LPAR1: variants seen among roughly 807,000 people sequenced by gnomAD.
The protein encoded by LPAR1 is lysophosphatidic acid receptor 1.
LPAR1 carries 5 observed loss-of-function variants against 23.8 expected under a neutral mutation model. That is an observed-to-expected ratio of 0.21 (90% CI 0.11 to 0.44). LPAR1 has a LOEUF of 0.44. Among genes scored for constraint, LPAR1 ranks in the 20% least tolerant of loss-of-function variants. LPAR1 has a pLI of 0.99. For missense variants in LPAR1, 311 were observed against 482.8 expected, an observed-to-expected ratio of 0.64 and a Z score of 3.33; for synonymous variants, 160 against 164.7, an observed-to-expected ratio of 0.97 and a Z score of 0.22.
chr9:111,028,041 A>G, intron 2 of LPAR1, among the ~76,000 whole-genome samples: 1 of 152,186 alleles, frequency 6.6e-6, no homozygotes, highest in South Asian at 2.1e-4. Context: ...GCCTGTGTAC[A>G]TACTTATGAT....
At chr9:110,981,995 G>C (rs531393827) in intron 2 of LPAR1, among the ~76,000 whole-genome samples, 2 of 152,242 alleles carry the variant, frequency 1.3e-5, no homozygotes, top group South Asian at 2.1e-4. Flanking sequence ...AGAGGATGTG[G>C]GGAAAATAGG....
Position 110,941,713 on chromosome 9 carries a change from G to A in LPAR1, c.501C>T (p.Val167=). ...TRMSNRRVVV[V]IVVIWTMAIV... ...TGGCCATAGTCCAGATGACCACAAT[G>A]ACCACCACTACCCGCCGGTTGCTCA... The change falls in exon 5 of 6, where the codon GTC becomes GTT. Residue 167 remains valine, a synonymous_variant. Transcript: ENST00000683809. The surrounding 1 kb of genome is among the most constrained non-coding windows in gnomAD (Gnocchi z 6.1). The A allele has an allele frequency of 6.2e-7, 1 of 1,614,118 alleles. No homozygotes were observed. The highest frequency in any genetic ancestry group is 2.2e-5 in the East Asian group (1 of 44,864).
chr9:111,022,742 G>C (rs2097581632), intron 2 of LPAR1, among the ~76,000 whole-genome samples: 1 of 152,016 alleles, frequency 6.6e-6, no homozygotes. Flanking sequence ...TCCTCATACA[G>C]AGCAAGCCTT....
At chr9:111,022,328 T>G (rs930666335) in intron 2 of LPAR1, among the ~76,000 whole-genome samples, 1 of 152,190 alleles carries the variant, frequency 6.6e-6, no homozygotes, top group Non-Finnish European at 1.5e-5. Context: ...AGGTTGGGTA[T>G]TGTCAAGGGT....
chr9:110,991,579 T>TTTGTTGTTGTTGTTG (rs199560980), intron 2 of LPAR1, among the ~76,000 whole-genome samples: 3 of 72,934 alleles, frequency 4.1e-5, no homozygotes, highest in African/African-American at 1.4e-4. Context: ...TCTGGTTTGT[T>TTTGTTGTTGTTGTTG]TTGTTGTTGT....
At position 110,972,073 on chromosome 9, in the gene LPAR1, C is replaced by G. The variant is rs2096442755; in HGVS notation, c.45G>C (p.Gln15His). Residue 15 changes from glutamine to histidine, a missense_variant and splice_region_variant, in exon 4 of 6, where the codon CAG becomes CAC. Transcript: ENST00000683809. ...STSIPVISQP[Q>H]FTAMNEPQCF... Reference sequence around the variant, plus strand: ...ACCTCTGCTAGTTTGAAGCCCTTACCTGGGGCTGTGAAATTACAGGGATGG... The same window carrying G: ...ACCTCTGCTAGTTTGAAGCCCTTACGTGGGGCTGTGAAATTACAGGGATGG... 1 of 1,613,642 alleles carries G rather than the reference C, an allele frequency of 6.2e-7. No homozygotes were observed. The highest frequency in any genetic ancestry group is 1.3e-5 in the African/African-American group (1 of 74,894).
chr9:111,004,866 C>T (rs535088613), intron 2 of LPAR1, among the ~76,000 whole-genome samples: 33 of 152,244 alleles, frequency 2.2e-4, no homozygotes, highest in Middle Eastern at 3.4e-3. Flanking sequence ...TTAATAGATT[C>T]AAATCCATTC....
chr9:110,938,864 A>G (rs1353890867), intron 5 of LPAR1, among the ~76,000 whole-genome samples: 1 of 152,024 alleles, frequency 6.6e-6, no homozygotes, highest in African/African-American at 2.4e-5. Context: ...ATACAGCAAG[A>G]CCCTGTCTCA....
intron 5 of LPAR1, among the ~76,000 whole-genome samples, chr9:110,891,037 T>C (rs2083994471): frequency 6.6e-6 from 1 of 152,184 alleles, no homozygotes; most frequent in African/African-American, 2.4e-5. Context: ...AAGAAAAGGA[T>C]ATCCATTTGT....
chr9:110,935,015 T>C (rs2094606057), intron 5 of LPAR1, among the ~76,000 whole-genome samples: 1 of 152,222 alleles, frequency 6.6e-6, no homozygotes, highest in African/African-American at 2.4e-5. Flanking sequence ...CAGTTTCAGA[T>C]AACTTTTTTC....
intron 5 of LPAR1, among the ~76,000 whole-genome samples, chr9:110,878,413 A>C (rs1234002516): frequency 1.3e-5 from 2 of 152,176 alleles, no homozygotes; most frequent in Admixed American, 6.5e-5. Context: ...GGATATTCTG[A>C]AATAAATTTT....
At chr9:110,912,065 G>A (rs7854681) in intron 5 of LPAR1, among the ~76,000 whole-genome samples, 67,603 of 152,104 alleles carry the variant, frequency 0.44, 16,972 homozygotes, top group African/African-American at 0.7. Context: ...AAGAATAAAC[G>A]TCTGGGTTAC....
At chr9:111,023,091 CAATATACTATATT>C (rs2097595301) in intron 2 of LPAR1, among the ~76,000 whole-genome samples, 1 of 147,140 alleles carries the variant, frequency 6.8e-6, no homozygotes. Context: ...TGCTATTTAG[CAATATACTATATT>C]GCTCTAATAC....
intron 2 of LPAR1, among the ~76,000 whole-genome samples, chr9:111,030,548 A>G (rs1322207851): frequency 1.3e-5 from 2 of 152,172 alleles, no homozygotes; most frequent in East Asian, 3.9e-4. Flanking sequence ...CCTTTCATTC[A>G]GGCCTTGTTT....
At chr9:110,956,416 G>A (rs1295319344) in intron 4 of LPAR1, among the ~76,000 whole-genome samples, 1 of 151,770 alleles carries the variant, frequency 6.6e-6, no homozygotes, top group Non-Finnish European at 1.5e-5. Flanking sequence ...ATGTGTAGTA[G>A]GGAATAAAAG....
chr9:110,982,381 AAACC>A (rs1421840980), intron 2 of LPAR1, among the ~76,000 whole-genome samples: 1 of 152,168 alleles, frequency 6.6e-6, no homozygotes, highest in East Asian at 1.9e-4. Flanking sequence ...CAAGAAGAGA[AAACC>A]AAACACCACA....
chr9:110,966,256 G>A (rs1001280203), intron 4 of LPAR1, among the ~76,000 whole-genome samples: 6 of 151,992 alleles, frequency 3.9e-5, no homozygotes, highest in East Asian at 1.9e-4. Context: ...CAAGGTGGGC[G>A]GATCACTAAG....
At chr9:111,019,231 G>A (rs2097513862) in intron 2 of LPAR1, among the ~76,000 whole-genome samples, 1 of 152,056 alleles carries the variant, frequency 6.6e-6, no homozygotes, top group Non-Finnish European at 1.5e-5. Context: ...CAACACTTTG[G>A]GAAGATTGCT....
At chr9:110,887,290 C>T (rs1263626136) in intron 5 of LPAR1, among the ~76,000 whole-genome samples, 1 of 151,840 alleles carries the variant, frequency 6.6e-6, no homozygotes, top group African/African-American at 2.4e-5. Context: ...AAAATTTAAT[C>T]TAAAAGCGAA....
Sources: gnomAD v4.1 joint callset for allele counts (sites outside exome capture counted in the v4.1 genomes callset) on GRCh38, gnomAD v4.1.1 for gene constraint, Gnocchi (gnomAD v3.1) non-coding constraint, MANE v1.5 for transcripts, NCBI Gene and HGNC (gene_info 2026-07-23, HGNC 2026-07-21) for gene names.